MCCC2: variants seen among roughly 807,000 people sequenced by gnomAD.
The protein encoded by MCCC2 is methylcrotonoyl-CoA carboxylase beta chain, mitochondrial.
In MCCC2, 52 loss-of-function variants were observed where a neutral mutation model predicts 77.2. The observed-to-expected ratio is 0.67, with a 90% CI of 0.54 to 0.85. The LOEUF is 0.85. Ranked by LOEUF, MCCC2 falls within the 40% of genes least tolerant of loss-of-function variation. The pLI is 0.00. For synonymous variants in MCCC2, 253 were observed against 248.4 expected, an observed-to-expected ratio of 1.02 and a Z score of -0.18; for missense variants, 682 against 703.2, an observed-to-expected ratio of 0.97 and a Z score of 0.34.
At chr5:71,600,242 G>C (rs1202400455) in intron 4 of MCCC2, among the ~76,000 whole-genome samples, 1 of 152,098 alleles carries the variant, frequency 6.6e-6, no homozygotes, top group African/African-American at 2.4e-5. Context: ...AACTAGAGAT[G>C]CTCTAGTACT....
At chr5:71,614,564 A>G (rs558944567) in intron 6 of MCCC2, among the ~76,000 whole-genome samples, 1 of 151,052 alleles carries the variant, frequency 6.6e-6, no homozygotes, top group African/African-American at 2.4e-5. Flanking sequence ...GCTTACTGCA[A>G]CCTCCGCCTT....
At position 71,649,252 on chromosome 5, in the gene MCCC2, A is replaced by G. The variant is rs1162471663; in HGVS notation, c.1372A>G (p.Ser458Gly). The change falls in exon 14 of 17, where the codon AGC becomes GGC. Residue 458 changes from serine to glycine, a missense_variant and splice_region_variant. By Grantham distance (56) the Ser-to-Gly change is moderately conservative. Transcript: ENST00000340941. ...GNYGMCGRAY[S>G]PRFLYIWPNA... ...CTATGGGATGTGTGGCAGAGCATAT[A>G]GGTAGGTGTCATGATTTTCTCTGAA... The G allele has an allele frequency of 1.2e-6, 2 of 1,613,538 alleles. No homozygotes were observed. The highest frequency in any genetic ancestry group is 3.3e-5 in the Admixed American group (2 of 60,028).
intron 16 of MCCC2, among the ~76,000 whole-genome samples, chr5:71,654,221 G>C (rs970345196): frequency 6.6e-6 from 1 of 152,102 alleles, no homozygotes; most frequent in African/African-American, 2.4e-5. Flanking sequence ...GGTCTTGAAT[G>C]CCTGAGCTCA....
At chr5:71,615,133 A>G (rs1466659711) in intron 6 of MCCC2, among the ~76,000 whole-genome samples, 1 of 151,988 alleles carries the variant, frequency 6.6e-6, no homozygotes, top group Non-Finnish European at 1.5e-5. Flanking sequence ...TGCCTGACTA[A>G]CTTTTTTGTA....
chr5:71,644,605 T>G (rs1398889330), intron 12 of MCCC2, among the ~76,000 whole-genome samples: 2 of 152,166 alleles, frequency 1.3e-5, no homozygotes, highest in Non-Finnish European at 2.9e-5. Flanking sequence ...CATATACTTA[T>G]TTGATAAAAA....
intron 11 of MCCC2, among the ~76,000 whole-genome samples, chr5:71,643,203 G>A (rs1012446137): frequency 6.6e-6 from 1 of 152,186 alleles, no homozygotes; most frequent in Non-Finnish European, 1.5e-5. Flanking sequence ...GCAACATAGC[G>A]AAACCCCATC....
intron 5 of MCCC2, chr5:71,602,936 T>C: frequency 5.6e-6 from 2 of 355,810 alleles, no homozygotes; most frequent in Non-Finnish European, 1.0e-5. Flanking sequence ...TGGATCATAC[T>C]ATGAAAAAAA....
chr5:71,607,035 C>T (rs910137011), intron 6 of MCCC2, among the ~76,000 whole-genome samples: 1 of 150,458 alleles, frequency 6.6e-6, no homozygotes, highest in African/African-American at 2.4e-5. Context: ...GTCTAAAATT[C>T]TCTTTTTTGG....
chr5:71,648,660 A>G (rs1747339987), intron 13 of MCCC2, among the ~76,000 whole-genome samples: 1 of 152,138 alleles, frequency 6.6e-6, no homozygotes, highest in Non-Finnish European at 1.5e-5. Context: ...CTTTGACATC[A>G]TCTCCTTTTT....
Position 71,587,541 on chromosome 5 carries a change from C to G in MCCC2, c.116C>G (p.Ser39Cys). ...ASLGTQPDLG[S>C]ALYQENYKQM... Reference sequence around the variant, plus strand: ...CTGGGCACCCAGCCGGACTTGGGCTCTGCCCTCTACCAGGTAGGCTGAGCG... The same window carrying G: ...CTGGGCACCCAGCCGGACTTGGGCTGTGCCCTCTACCAGGTAGGCTGAGCG... The change falls in exon 1 of 17, where the codon TCT becomes TGT. Residue 39 changes from serine to cysteine, a missense_variant. Transcript: ENST00000340941. 1 of 1,537,836 alleles carries G rather than the reference C, an allele frequency of 6.5e-7. No homozygotes were observed. Among genetic ancestry groups the G allele is most frequent in the Non-Finnish European group, 8.7e-7 (1 of 1,146,194 alleles).
intron 6 of MCCC2, among the ~76,000 whole-genome samples, chr5:71,611,938 A>G (rs760394286): frequency 3.5e-4 from 53 of 151,670 alleles, no homozygotes; most frequent in Non-Finnish European, 6.5e-4. Context: ...ACAGGCGCCC[A>G]CCACCATGCC....
At chr5:71,644,034 TGTG>T in intron 12 of MCCC2, 139 bp downstream of exon 12, 2 of 376,904 alleles carry the variant, frequency 5.3e-6, no homozygotes, top group African/African-American at 7.8e-5. Flanking sequence ...TGCGCGGGCA[TGTG>T]TGTGTGTGTG....
rs555732687 is a variant in MCCC2, at chr5:71,617,037, TGCTACAAAACAAA to T, written c.625-9599_625-9587del. Among the ~76,000 whole-genome samples, 94 of 134,288 alleles carry T rather than the reference TGCTACAAAACAAA, an allele frequency of 7.0e-4. 3 individuals carry two copies. In the South Asian group the frequency reaches 0.021, roughly 30 times the overall value. The allele number at this position is 134,288 out of a possible 152,430, so 88.1% of individuals were successfully genotyped here. A position where few individuals can be genotyped will look rare whatever the true frequency, so the allele number is the denominator to read the frequency against. On this transcript the variant is annotated intron_variant, in intron 6 of 16. Coordinates refer to ENST00000340941, the MANE Select transcript of MCCC2 (RefSeq NM_022132.5). ...TTTATGTGGCCCTCCTGTTACTATT[TGCTACAAAACAAA>T]GCTCATACTTCTTAGCCCGATACTT...
At position 71,594,961 on chromosome 5, in the gene MCCC2, C is replaced by T. The variant is rs149382489; in HGVS notation, c.197-1319C>T. The stretch of plus-strand genomic sequence containing the variant: ...TCACTCAGGCTGGGGTGTAGTGGCG[C>T]GATCTCAGTTCACTACAACCTTGGC... On this transcript the variant is annotated intron_variant, in intron 2 of 16. Transcript: ENST00000340941. Among the ~76,000 whole-genome samples the T allele has an allele frequency of 6.5e-3, 823 of 126,726 alleles. 7 individuals carry two copies. The highest frequency in any genetic ancestry group is 0.022 in the African/African-American group (785 of 35,812). The allele number at this position is 126,726 out of a possible 152,430, so 83.1% of individuals were successfully genotyped here.
At chr5:71,606,356 T>C (rs940188613) in intron 6 of MCCC2, among the ~76,000 whole-genome samples, 2 of 152,098 alleles carry the variant, frequency 1.3e-5, no homozygotes, top group African/African-American at 4.8e-5. Context: ...GAGAGTTCAC[T>C]CATGATTTGG....
chr5:71,596,152 G>T, intron 2 of MCCC2, 128 bp from the exon 3 acceptor site: 1 of 835,560 alleles, frequency 1.2e-6, no homozygotes, highest in Non-Finnish European at 2.0e-6. Context: ...ATGATTATTA[G>T]CCTTTTCTCA....
intron 7 of MCCC2, among the ~76,000 whole-genome samples, chr5:71,627,529 G>A (rs768519893): frequency 1.3e-5 from 2 of 152,138 alleles, no homozygotes; most frequent in Admixed American, 6.5e-5. Context: ...TATGAATAAC[G>A]GCGCTTTGAA....
Position 71,635,062 on chromosome 5 carries a change from A to T in MCCC2, c.903+20A>T, listed in dbSNP as rs1195927699. On this transcript the variant is annotated intron_variant, in intron 9 of 16. Coordinates refer to ENST00000340941, the MANE Select transcript of MCCC2 (RefSeq NM_022132.5). The stretch of plus-strand genomic sequence containing the variant: ...TTGGATGTGAGTACGATATGTTCTT[A>T]TATCTTTTATTTTCCTGAAATGCAT... 5 of 1,613,278 alleles carry T rather than the reference A, an allele frequency of 3.1e-6. No individual in the cohort carries two copies. In the African/African-American group the frequency reaches 6.7e-5, roughly 22 times the overall value.
Position 71,626,874 on chromosome 5 carries a change from AC to A in MCCC2, c.738+122del, listed in dbSNP as rs1304665876. The A allele has an allele frequency of 4.2e-6, 4 of 944,174 alleles. No homozygotes were observed. The African/African-American group carries it at 6.5e-5, about 15-fold the overall frequency. 58.5% of individuals were successfully genotyped at this position (944,174 alleles called of 1,614,324 possible). A position where few individuals can be genotyped will look rare whatever the true frequency, so the allele number is the denominator to read the frequency against. On this transcript the variant is annotated intron_variant, in intron 7 of 16. Coordinates refer to ENST00000340941, the MANE Select transcript of MCCC2 (RefSeq NM_022132.5). ...ATAAAATATGCATAACATAAAACTT[AC>A]TGTTGTAACCGTTTTTCAGTACAGC...
Sources: allele counts gnomAD v4.1 joint callset (sites outside exome capture counted in the v4.1 genomes callset), GRCh38; gene constraint gnomAD v4.1.1; transcripts MANE v1.5; gene names NCBI Gene and HGNC (gene_info 2026-07-23, HGNC 2026-07-21).